Variants in RBMS3 observed in about 807,000 individuals in gnomAD.
The protein encoded by RBMS3 is RNA-binding motif, single-stranded-interacting protein 3.
In RBMS3, 27 loss-of-function variants were observed where a neutral mutation model predicts 66.8. That is an observed-to-expected ratio of 0.40 (90% CI 0.30 to 0.56). The LOEUF is 0.56. Ranked by LOEUF, RBMS3 falls within the 20% of genes least tolerant of loss-of-function variation. The pLI, the probability that RBMS3 is intolerant of heterozygous loss-of-function variation, is 0.40. For synonymous variants in RBMS3, 188 were observed against 183.0 expected (o/e 1.03, Z -0.22); for missense variants, 513 against 549.5 (o/e 0.93, Z 0.66).
At chr3:29,770,580 C>T (rs2056157134) in intron 6 of RBMS3, among the ~76,000 whole-genome samples, 1 of 151,910 alleles carries the variant, frequency 6.6e-6, no homozygotes, top group African/African-American at 2.4e-5. Flanking sequence ...CATGAACCAC[C>T]TTCATAACTT....
At chr3:29,298,040 C>T (rs1024329312) in intron 1 of RBMS3, among the ~76,000 whole-genome samples, 3 of 151,820 alleles carry the variant, frequency 2.0e-5, no homozygotes, top group African/African-American at 7.3e-5. Context: ...TAATTTTACC[C>T]TTTTGTTAAT....
chr3:29,563,715 A>G (rs1010728575), intron 3 of RBMS3, among the ~76,000 whole-genome samples: 1 of 152,126 alleles, frequency 6.6e-6, no homozygotes, highest in Admixed American at 6.6e-5. Flanking sequence ...AAATATTATA[A>G]TTGGATGTAT....
At chr3:29,879,717 G>A (rs530760031) in intron 7 of RBMS3, among the ~76,000 whole-genome samples, 2 of 151,944 alleles carry the variant, frequency 1.3e-5, no homozygotes, top group South Asian at 4.2e-4. Context: ...ACTTCAGTCT[G>A]TATCAGTTTG....
chr3:29,936,114 A>T lies in RBMS3; in HGVS notation c.968A>T (p.His323Leu). 6.2e-7 allele frequency: 1 copy of T among 1,613,298 alleles called. No homozygotes were observed. The change falls in exon 11 of 15, where the codon CAT (histidine) becomes CTT (leucine). Residue 323 changes from histidine to leucine, a missense_variant. His to Leu is a moderately conservative substitution (Grantham distance 99). Transcript: ENST00000383767. Reference sequence around the variant, plus strand: ...GCTGTGATTACACCAACCATGGACCATCCCATGTCAATGCAGCCAGCCAAC... The same window carrying T: ...GCTGTGATTACACCAACCATGGACCTTCCCATGTCAATGCAGCCAGCCAAC... Reference protein sequence around the residue: ...TGAVITPTMDHPMSMQPANMM... With the variant: ...TGAVITPTMDLPMSMQPANMM...
chr3:29,454,840 C>T (rs573887823), intron 2 of RBMS3, among the ~76,000 whole-genome samples: 143 of 152,302 alleles, frequency 9.4e-4, no homozygotes, highest in African/African-American at 3.0e-3. Flanking sequence ...ACAGACAAAG[C>T]AGAGTCACAT....
At chr3:29,883,191 G>A (rs2059778215) in intron 7 of RBMS3, among the ~76,000 whole-genome samples, 2 of 152,060 alleles carry the variant, frequency 1.3e-5, no homozygotes, top group South Asian at 4.1e-4. Flanking sequence ...TGGCCACAGA[G>A]AAACTTTCCC....
At chr3:29,976,567 G>T (rs1247000960) in intron 12 of RBMS3, among the ~76,000 whole-genome samples, 3 of 151,938 alleles carry the variant, frequency 2.0e-5, no homozygotes, top group African/African-American at 7.3e-5. Flanking sequence ...GAACAGTAGG[G>T]GTCCAGGTAG....
chr3:29,745,652 A>G (rs1268984997), intron 5 of RBMS3, among the ~76,000 whole-genome samples: 1 of 152,186 alleles, frequency 6.6e-6, no homozygotes, highest in East Asian at 1.9e-4. Context: ...ATCTGGGAAC[A>G]TAGAACCTCT....
intron 1 of RBMS3, among the ~76,000 whole-genome samples, chr3:29,419,960 T>A (rs1240696462): frequency 6.6e-6 from 1 of 152,206 alleles, no homozygotes; most frequent in Admixed American, 6.5e-5. Context: ...GGATGCTGTC[T>A]CAATTTAGCT....
At chr3:29,619,377 T>C (rs927688194) in intron 4 of RBMS3, among the ~76,000 whole-genome samples, 2 of 152,148 alleles carry the variant, frequency 1.3e-5, no homozygotes, top group Non-Finnish European at 2.9e-5. Flanking sequence ...ATTAGAATTA[T>C]GGATAGCTGT....
At chr3:29,850,476 G>A (rs2058904843) in intron 6 of RBMS3, among the ~76,000 whole-genome samples, 1 of 152,098 alleles carries the variant, frequency 6.6e-6, no homozygotes, top group East Asian at 1.9e-4. Context: ...CTTCCACTGA[G>A]ACTCTGATAT....
At chr3:29,634,595 C>T (rs2049407787) in intron 4 of RBMS3, among the ~76,000 whole-genome samples, 1 of 151,782 alleles carries the variant, frequency 6.6e-6, no homozygotes, top group South Asian at 2.1e-4. Context: ...TCTAGTTTCC[C>T]ACAGTGGTAA....
intron 7 of RBMS3, among the ~76,000 whole-genome samples, chr3:29,873,506 T>G (rs769392008): frequency 3.4e-4 from 52 of 152,182 alleles, no homozygotes; most frequent in Non-Finnish European, 6.0e-4. Flanking sequence ...TATGGGATTT[T>G]TTTAGATGTA....
At chr3:29,645,976 A>G (rs562885413) in intron 4 of RBMS3, among the ~76,000 whole-genome samples, 12 of 152,298 alleles carry the variant, frequency 7.9e-5, no homozygotes, top group Admixed American at 3.3e-4. Context: ...ATTACCTCTA[A>G]TCTGCTTAGG....
chr3:29,365,993 T>C lies in RBMS3; in HGVS notation c.76-68750T>C, dbSNP rs76377891. Among the ~76,000 whole-genome samples, 441 of 152,268 alleles carry C rather than the reference T, an allele frequency of 2.9e-3. No homozygotes were observed. The East Asian group carries it at 0.034, about 12-fold the overall frequency. On this transcript the variant is annotated intron_variant, in intron 1 of 14. Coordinates refer to ENST00000383767, the MANE Select transcript of RBMS3 (RefSeq NM_001003793.3). ...AAGTGATTTTACTCATTTGCTCTTATTATTTTGACTGAAGGAAAAAAGTCA... is the reference window on the plus strand; with the variant it reads ...AAGTGATTTTACTCATTTGCTCTTACTATTTTGACTGAAGGAAAAAAGTCA...
intron 1 of RBMS3, among the ~76,000 whole-genome samples, chr3:29,362,381 A>G (rs1204529955): frequency 2.0e-5 from 3 of 152,198 alleles, no homozygotes. Context: ...TGAACAGCAA[A>G]TGTTGCTGTC....
At chr3:29,318,752 G>T (rs1391455458) in intron 1 of RBMS3, among the ~76,000 whole-genome samples, 2 of 151,834 alleles carry the variant, frequency 1.3e-5, no homozygotes, top group African/African-American at 4.8e-5. Flanking sequence ...ATGTGCTAGG[G>T]ATGCCAACTT....
rs1017279544 is a variant in RBMS3, at chr3:29,743,286, A to G, written c.557+3409A>G. ...AAAAATATTATCCTGTCCCTTTTCC[A>G]CTCTGCTTTTCTCATCTGAAATTTT... On this transcript the variant is annotated intron_variant, in intron 5 of 14. Transcript: ENST00000383767. Among the ~76,000 whole-genome samples the G allele has an allele frequency of 5.9e-5, 9 of 151,932 alleles. No homozygotes were observed. In the South Asian group the frequency reaches 6.2e-4, roughly 10 times the overall value.
intron 3 of RBMS3, among the ~76,000 whole-genome samples, chr3:29,512,032 G>A (rs1449537769): frequency 1.3e-5 from 2 of 151,786 alleles, no homozygotes; most frequent in Non-Finnish European, 2.9e-5. Flanking sequence ...CCCTTTTCTG[G>A]TTTCAGAAAC....
Sources: allele counts gnomAD v4.1 joint callset (sites outside exome capture counted in the v4.1 genomes callset), GRCh38; gene constraint gnomAD v4.1.1; transcripts MANE v1.5; gene names NCBI Gene and HGNC (gene_info 2026-07-23, HGNC 2026-07-21).